The following PCCA variants were observed in gnomAD, a reference collection of about 807,000 sequenced individuals.
PCCA encodes propionyl-CoA carboxylase alpha chain, mitochondrial.
Under a neutral mutation model 101.3 loss-of-function variants are expected in PCCA, and 74 were observed. The observed-to-expected ratio is 0.73, with a 90% CI of 0.61 to 0.89. The LOEUF is 0.89. Ranked by LOEUF, PCCA falls within the 40% of genes least tolerant of loss-of-function variation. PCCA has a pLI of 0.00. For synonymous variants in PCCA, 294 were observed against 313.6 expected (o/e 0.94, Z 0.66); for missense variants, 891 against 907.0 (o/e 0.98, Z 0.23).
intron 14 of PCCA, among the ~76,000 whole-genome samples, chr13:100,304,274 A>C (rs1284457032): frequency 6.6e-6 from 1 of 152,238 alleles, no homozygotes; most frequent in Non-Finnish European, 1.5e-5. Context: ...TGTTCTGCTT[A>C]CTGCTGTTAT....
chr13:100,136,795 C>G (rs1594299635), intron 4 of PCCA, among the ~76,000 whole-genome samples: 1 of 151,564 alleles, frequency 6.6e-6, no homozygotes, highest in African/African-American at 2.4e-5. Flanking sequence ...TTCTTCTTTT[C>G]TTAGTCTTTT....
chr13:100,474,237 A>G (rs73564375), intron 21 of PCCA, among the ~76,000 whole-genome samples: 1,768 of 152,274 alleles, frequency 0.012, 40 homozygotes, highest in African/African-American at 0.04. Flanking sequence ...TTTAAATGCA[A>G]ATGAGTTAAT....
chr13:100,432,275 C>T (rs2079613359), intron 20 of PCCA, among the ~76,000 whole-genome samples: 3 of 152,198 alleles, frequency 2.0e-5, no homozygotes, highest in Admixed American at 2.0e-4. Flanking sequence ...CCCCGAAATT[C>T]TTTAAAAGCG....
chr13:100,436,953 C>G (rs1032418795), intron 20 of PCCA, among the ~76,000 whole-genome samples: 1 of 152,226 alleles, frequency 6.6e-6, no homozygotes, highest in African/African-American at 2.4e-5. Flanking sequence ...AACAAGAGGG[C>G]TCCCAAGGAC....
chr13:100,128,008 G>A lies in PCCA; in HGVS notation c.300+15947G>A, dbSNP rs576486779. Among the ~76,000 whole-genome samples the A allele has an allele frequency of 7.2e-5, 11 of 152,328 alleles. No homozygotes were observed. The South Asian group carries it at 1.5e-3, about 20-fold the overall frequency. On this transcript the variant is annotated intron_variant, in intron 4 of 23. Transcript: ENST00000376285. ...CAGCCTCCCTCATTCAGACTCCTTA[G>A]TGGAGGGAAAGGACATGATTATTCC...
intron 19 of PCCA, among the ~76,000 whole-genome samples, chr13:100,401,463 C>T (rs367887528): frequency 5.9e-5 from 9 of 152,190 alleles, no homozygotes; most frequent in Middle Eastern, 3.4e-3. Flanking sequence ...AGGCTGCTTT[C>T]GAACTCGTGA....
chr13:100,528,594 G>A (rs771438241), intron 23 of PCCA, among the ~76,000 whole-genome samples: 7 of 152,356 alleles, frequency 4.6e-5, no homozygotes, highest in Middle Eastern at 3.4e-3. Context: ...AAGGGGCAGC[G>A]GGGATGTCAT....
At chr13:100,244,929 CTGTGTG>C (rs3223372) in intron 8 of PCCA, among the ~76,000 whole-genome samples, 15,231 of 141,602 alleles carry the variant, frequency 0.11, 830 homozygotes, top group Non-Finnish European at 0.12. Context: ...TGAGGAAAGG[CTGTGTG>C]TGTGTGTGTG....
intron 21 of PCCA, among the ~76,000 whole-genome samples, chr13:100,461,870 G>C (rs983812133): frequency 1.3e-5 from 2 of 152,196 alleles, no homozygotes; most frequent in African/African-American, 4.8e-5. Flanking sequence ...AAGAGAAACG[G>C]ATAGAAAGTA....
At chr13:100,121,469 C>CTT (rs58893932) in intron 4 of PCCA, among the ~76,000 whole-genome samples, 4 of 132,044 alleles carry the variant, frequency 3.0e-5, no homozygotes, top group Non-Finnish European at 3.2e-5. Context: ...CCTTAGGATT[C>CTT]TTTTTTTTTT....
Position 100,246,827 on chromosome 13 carries a change from A to G in PCCA, c.638-10768A>G, listed in dbSNP as rs190195998. 5.9e-5 allele frequency among the ~76,000 whole-genome samples: 9 copies of G among 151,998 alleles called. No individual in the cohort carries two copies. In the East Asian group the frequency reaches 1.7e-3, roughly 29 times the overall value. On this transcript the variant is annotated intron_variant, in intron 8 of 23. Coordinates refer to ENST00000376285, the MANE Select transcript of PCCA (RefSeq NM_000282.4). Reference sequence around the variant, plus strand: ...TCCTGAAAAGAGTGTATATTCTCAAATTATTATATGCAATGTCTTATAGAA... The same window carrying G: ...TCCTGAAAAGAGTGTATATTCTCAAGTTATTATATGCAATGTCTTATAGAA...
intron 7 of PCCA, among the ~76,000 whole-genome samples, chr13:100,234,714 G>A (rs2060681842): frequency 6.6e-6 from 1 of 151,328 alleles, no homozygotes; most frequent in South Asian, 2.1e-4. Context: ...CCTTCTCGGA[G>A]GATTCTGACA....
At chr13:100,096,021 G>A (rs1331842756) in intron 1 of PCCA, among the ~76,000 whole-genome samples, 2 of 152,190 alleles carry the variant, frequency 1.3e-5, no homozygotes, top group African/African-American at 4.8e-5. Context: ...GGGCACTGGA[G>A]TTGCTGAGAA....
rs559607852 is a variant in PCCA at position 100,468,096 on chromosome 13, G to C, written c.1899+18791G>C. 6.2e-4 allele frequency among the ~76,000 whole-genome samples: 94 copies of C among 152,344 alleles called. 1 individual carries two copies. Among genetic ancestry groups the C allele is most frequent in the Middle Eastern group, 3.4e-3 (1 of 294 alleles). On this transcript the variant is annotated intron_variant, in intron 21 of 23. Coordinates refer to ENST00000376285, the MANE Select transcript of PCCA (RefSeq NM_000282.4). The stretch of plus-strand genomic sequence containing the variant: ...CGTCAGAGCTCCCAGGTAACAAGGT[G>C]CATTGTCAATGAGTAGTAATATTTT...
rs1345048551 is a variant in PCCA at position 100,375,990 on chromosome 13, G to A, written c.1746+7416G>A. Among the ~76,000 whole-genome samples the A allele has an allele frequency of 2.0e-5, 3 of 152,202 alleles. 1 individual carries two copies. Among genetic ancestry groups the A allele is most frequent in the South Asian group, 4.1e-4 (2 of 4,822 alleles). ...ATCTTTATGGATTTATCTACCTTTT[G>A]TCTTTGATGTTGGTGACCTTCGGAT... On this transcript the variant is annotated intron_variant, in intron 19 of 23. Coordinates refer to ENST00000376285, the MANE Select transcript of PCCA (RefSeq NM_000282.4).
At chr13:100,401,727 A>G (rs2077376360) in intron 19 of PCCA, among the ~76,000 whole-genome samples, 1 of 152,136 alleles carries the variant, frequency 6.6e-6, no homozygotes, top group African/African-American at 2.4e-5. Context: ...CAAAACCAAT[A>G]TATATTAGAC....
Position 100,471,765 on chromosome 13 carries a change from G to A in PCCA, c.1899+22460G>A, listed in dbSNP as rs189251838. On this transcript the variant is annotated intron_variant, in intron 21 of 23. Transcript: ENST00000376285. ...TAAGTACATGCTGTGTGTGTGTTCT[G>A]TGTGCAGACACAACACAGGTGAGCT... Among the ~76,000 whole-genome samples the A allele has an allele frequency of 1.6e-4, 24 of 152,304 alleles. No homozygotes were observed. The East Asian group carries it at 4.2e-3, about 27-fold the overall frequency.
At chr13:100,515,662 C>A in intron 22 of PCCA, 95 bp downstream of exon 22, 1 of 1,478,714 alleles carries the variant, frequency 6.8e-7, no homozygotes, top group Non-Finnish European at 9.3e-7. Flanking sequence ...CGGCTCTTTG[C>A]AGTTCTTACT....
At chr13:100,247,929 A>G (rs2061542286) in intron 8 of PCCA, among the ~76,000 whole-genome samples, 1 of 152,164 alleles carries the variant, frequency 6.6e-6, no homozygotes, top group Non-Finnish European at 1.5e-5. Flanking sequence ...ATTACAGTGT[A>G]TCGTGTTTCC....
Sources: allele counts gnomAD v4.1 joint callset (sites outside exome capture counted in the v4.1 genomes callset), GRCh38; gene constraint gnomAD v4.1.1; transcripts MANE v1.5; gene names NCBI Gene and HGNC (gene_info 2026-07-23, HGNC 2026-07-21).